Variants in C10orf90 observed in about 807,000 individuals in gnomAD.
C10orf90 encodes the protein chromosome 10 open reading frame 90.
A neutral mutation model predicts 62.5 loss-of-function variants in C10orf90; 56 were observed. The observed-to-expected ratio is 0.90, with a 90% CI of 0.72 to 1.12. The LOEUF is 1.12. Among genes scored for constraint, C10orf90 ranks in the 50% most tolerant of loss-of-function variants. The pLI, the probability that C10orf90 is intolerant of heterozygous loss-of-function variation, is 0.00. For missense variants in C10orf90, 970 were observed against 880.4 expected (o/e 1.10, Z -1.29); for synonymous variants, 386 against 340.4 (o/e 1.13, Z -1.47).
At position 126,603,541 on chromosome 10, in the gene C10orf90, A is replaced by G. The variant is rs571687407; in HGVS notation, c.313+43024T>C. Among the ~76,000 whole-genome samples, 138 of 152,292 alleles carry G rather than the reference A, an allele frequency of 9.1e-4. No individual in the cohort carries two copies. In the Middle Eastern group the frequency reaches 0.024, roughly 26 times the overall value. ...GTCATCCGATGTTGTGGATAAAACA[A>G]TATACCTGAGTTTCACCCCTGGCTG... is the stretch of plus-strand genomic sequence containing the variant. On this transcript the variant is annotated intron_variant, in intron 2 of 9. Coordinates refer to ENST00000488181, the MANE Select transcript of C10orf90 (RefSeq NM_001350921.2).
intron 2 of C10orf90, among the ~76,000 whole-genome samples, chr10:126,637,722 G>A (rs1845980162): frequency 6.6e-6 from 1 of 152,200 alleles, no homozygotes; most frequent in South Asian, 2.1e-4. Context: ...GGTGGCAGAG[G>A]GTGGGACAGA....
chr10:126,492,732 C>T (rs1421566076), intron 4 of C10orf90, among the ~76,000 whole-genome samples: 1 of 152,140 alleles, frequency 6.6e-6, no homozygotes. Flanking sequence ...ATTTTTCACA[C>T]ATCAAAATGG....
intron 2 of C10orf90, among the ~76,000 whole-genome samples, chr10:126,539,221 C>T (rs1322948635): frequency 1.3e-5 from 2 of 152,178 alleles, no homozygotes; most frequent in African/African-American, 4.8e-5. Context: ...TTTGAATTAG[C>T]GCCTTTAGCA....
intron 2 of C10orf90, among the ~76,000 whole-genome samples, chr10:126,553,916 C>T (rs1474689924): frequency 6.6e-6 from 1 of 152,090 alleles, no homozygotes. Context: ...TAGTGTGAAG[C>T]TAAGGCGATA....
At chr10:126,493,983 T>G (rs1457366581) in intron 4 of C10orf90, among the ~76,000 whole-genome samples, 2 of 152,218 alleles carry the variant, frequency 1.3e-5, no homozygotes, top group Non-Finnish European at 2.9e-5. Flanking sequence ...TGTTCACAGC[T>G]TTTTTGGCTC....
intron 7 of C10orf90, among the ~76,000 whole-genome samples, chr10:126,455,812 C>T (rs1479705889): frequency 6.6e-6 from 1 of 152,218 alleles, no homozygotes; most frequent in African/African-American, 2.4e-5. Flanking sequence ...CACTCACCCA[C>T]ATGCAGCACT....
intron 2 of C10orf90, among the ~76,000 whole-genome samples, chr10:126,629,500 G>A (rs1403114158): frequency 2.6e-5 from 4 of 152,220 alleles, no homozygotes; most frequent in Non-Finnish European, 5.9e-5. Context: ...AATGACAGGT[G>A]TTAAAAGCAA....
At chr10:126,551,753 T>G (rs1864636446) in intron 2 of C10orf90, among the ~76,000 whole-genome samples, 1 of 152,182 alleles carries the variant, frequency 6.6e-6, no homozygotes, top group Non-Finnish European at 1.5e-5. Flanking sequence ...TTTACAGCAT[T>G]AAATCAAAAA....
intron 2 of C10orf90, among the ~76,000 whole-genome samples, chr10:126,536,124 C>T (rs1008018162): frequency 2.0e-5 from 3 of 152,206 alleles, no homozygotes; most frequent in Non-Finnish European, 4.4e-5. Context: ...TGCATGGGAA[C>T]AGTGGGCCTC....
At position 126,504,108 on chromosome 10, in the gene C10orf90, A is replaced by G; in HGVS notation, c.1383T>C (p.Gly461=). 2 of 1,614,110 alleles carry G rather than the reference A, an allele frequency of 1.2e-6. No homozygotes were observed. Among genetic ancestry groups the G allele is most frequent in the Non-Finnish European group, 1.7e-6 (2 of 1,180,026 alleles). ...ATTCTGTGTTTTCCAATGGAAAAGA[A>G]CCACTCCAAGGACAAGCGCCGGTCC... ...HLGTGACPWS[G]SFPLENTELA... The change falls in exon 4 of 10, where the codon GGT becomes GGC. Residue 461 remains glycine (G), a synonymous_variant. Coordinates refer to ENST00000488181, the MANE Select transcript of C10orf90 (RefSeq NM_001350921.2). The surrounding 1 kb of genome is among the most constrained non-coding windows in gnomAD (Gnocchi z 4.1).
chr10:126,496,658 C>T (rs1862072562), intron 4 of C10orf90: 1 of 985,264 alleles, frequency 1.0e-6, no homozygotes, highest in African/African-American at 1.7e-5. Flanking sequence ...CACAACCTAC[C>T]TCTTGGCGGT....
chr10:126,506,080 AGGCAC>A (rs1862715385), intron 3 of C10orf90, among the ~76,000 whole-genome samples: 1 of 152,250 alleles, frequency 6.6e-6, no homozygotes, highest in African/African-American at 2.4e-5. Context: ...CACTGGACCA[AGGCAC>A]ATGTAGCTTT....
chr10:126,654,337 C>A lies in C10orf90; in HGVS notation c.241-7700G>T, dbSNP rs529345533. On this transcript the variant is annotated intron_variant, in intron 1 of 9. Coordinates refer to ENST00000488181, the MANE Select transcript of C10orf90 (RefSeq NM_001350921.2). ...CCTTCATCAGTTATTTTCTGGATAACTTGCAGCAGCTTCTACATTAGGGTT... is the reference window on the plus strand; with the variant it reads ...CCTTCATCAGTTATTTTCTGGATAAATTGCAGCAGCTTCTACATTAGGGTT... Among the ~76,000 whole-genome samples, 136 of 152,336 alleles carry A rather than the reference C, an allele frequency of 8.9e-4. 5 individuals are homozygous for A. In the South Asian group the frequency reaches 0.024, roughly 26 times the overall value.
chr10:126,433,505 G>T (rs1486657247), intron 7 of C10orf90, among the ~76,000 whole-genome samples: 1 of 152,070 alleles, frequency 6.6e-6, no homozygotes, highest in Admixed American at 6.5e-5. Context: ...ACATAGACCT[G>T]CCTGCAGCAA....
intron 2 of C10orf90, among the ~76,000 whole-genome samples, chr10:126,583,072 C>T (rs1351478060): frequency 2.0e-5 from 3 of 152,238 alleles, no homozygotes; most frequent in East Asian, 1.9e-4. Flanking sequence ...TCGCGGGACA[C>T]CAGTAAACCT....
intron 2 of C10orf90, among the ~76,000 whole-genome samples, chr10:126,604,086 A>C (rs954225768): frequency 6.6e-6 from 1 of 152,216 alleles, no homozygotes; most frequent in African/African-American, 2.4e-5. Context: ...TCCTGCATGC[A>C]GTTCCTGCCC....
chr10:126,583,406 A>G (rs1844793711), intron 2 of C10orf90, among the ~76,000 whole-genome samples: 1 of 152,220 alleles, frequency 6.6e-6, no homozygotes, highest in African/African-American at 2.4e-5. Flanking sequence ...GGGATTTTAT[A>G]TTGAACACAG....
chr10:126,458,764 T>C (rs1859748760), intron 7 of C10orf90, among the ~76,000 whole-genome samples: 1 of 152,228 alleles, frequency 6.6e-6, no homozygotes, highest in Admixed American at 6.5e-5. Flanking sequence ...CTTGCTACCC[T>C]GGCTGCTACA....
At chr10:126,538,434 T>G (rs1234760893) in intron 2 of C10orf90, among the ~76,000 whole-genome samples, 1 of 152,196 alleles carries the variant, frequency 6.6e-6, no homozygotes, top group East Asian at 1.9e-4. Flanking sequence ...AACAGATTCT[T>G]CTGCATGGCC....
Sources: allele counts gnomAD v4.1 joint callset (sites outside exome capture counted in the v4.1 genomes callset), GRCh38; gene constraint gnomAD v4.1.1; non-coding constraint Gnocchi (gnomAD v3.1); transcripts MANE v1.5; gene names NCBI Gene and HGNC (gene_info 2026-07-23, HGNC 2026-07-21).